Variants in NBAS observed in about 807,000 individuals in gnomAD.
The protein encoded by NBAS is NAG/BC035112 fusion.
NBAS carries 219 observed loss-of-function variants against 302.5 expected under a neutral mutation model. The ratio of observed to expected loss-of-function variants is 0.72; its 90% confidence interval spans 0.65 to 0.81. NBAS has a LOEUF of 0.81. NBAS is among the 30% of genes least tolerant of loss of function. The pLI is 0.00. For missense variants in NBAS, 2,932 were observed against 2,841.6 expected (o/e 1.03, Z -0.72); for synonymous variants, 1,118 against 1,021.6 (o/e 1.09, Z -1.80).
the NBAS span, among the ~76,000 whole-genome samples, chr2:15,008,646 G>A: frequency 6.6e-6 from 1 of 152,126 alleles, no homozygotes; most frequent in Non-Finnish European, 1.5e-5. Flanking sequence ...TGTGTACCAT[G>A]ATTTCACTTT....
At chr2:15,218,163 G>A (rs1269320423) in intron 48 of NBAS, among the ~76,000 whole-genome samples, 1 of 152,114 alleles carries the variant, frequency 6.6e-6, no homozygotes, top group Non-Finnish European at 1.5e-5. Context: ...CATTTTTCCT[G>A]GGCAAGAGTA....
chr2:14,847,496 A>C, the NBAS span, among the ~76,000 whole-genome samples: 1 of 150,546 alleles, frequency 6.6e-6, no homozygotes, highest in Non-Finnish European at 1.5e-5. Context: ...ACTTATGTCA[A>C]CAACATAGAT....
chr2:14,922,572 C>A, the NBAS span, among the ~76,000 whole-genome samples: 227 of 152,310 alleles, frequency 1.5e-3, no homozygotes, highest in African/African-American at 4.6e-3. Flanking sequence ...TGGCATCTCT[C>A]TCTTCTTATA....
chr2:15,535,812 G>C (rs938785780), intron 8 of NBAS, among the ~76,000 whole-genome samples: 3 of 152,164 alleles, frequency 2.0e-5, no homozygotes, highest in African/African-American at 4.8e-5. Context: ...CACAGATACA[G>C]AGGGATGACT....
chr2:15,330,821 A>G, intron 35 of NBAS, 56 bp from the exon 36 acceptor site: 1 of 1,570,416 alleles, frequency 6.4e-7, no homozygotes, highest in Non-Finnish European at 8.7e-7. Flanking sequence ...AAGAACAGAG[A>G]AGACAGTGAT....
At chr2:15,244,330 A>C (rs906496168) in intron 44 of NBAS, among the ~76,000 whole-genome samples, 2 of 152,122 alleles carry the variant, frequency 1.3e-5, no homozygotes, top group African/African-American at 2.4e-5. Flanking sequence ...AGCACTCCTC[A>C]TGTGGCCCAG....
At chr2:15,000,698 G>T in the NBAS span, among the ~76,000 whole-genome samples, 1 of 152,176 alleles carries the variant, frequency 6.6e-6, no homozygotes, top group Non-Finnish European at 1.5e-5. Flanking sequence ...GGTGAAGGAT[G>T]ATAAATAAAC....
intron 3 of NBAS, among the ~76,000 whole-genome samples, chr2:15,554,682 G>T (rs1422452021): frequency 6.7e-6 from 1 of 149,992 alleles, no homozygotes; most frequent in African/African-American, 2.5e-5. Flanking sequence ...TCCTGCAAAG[G>T]CCAGGATGCT....
At chr2:15,405,707 C>A (rs1456290632) in intron 25 of NBAS, among the ~76,000 whole-genome samples, 2 of 151,742 alleles carry the variant, frequency 1.3e-5, no homozygotes, top group Admixed American at 6.6e-5. Context: ...CTGGAATATC[C>A]CAAAGAATCA....
chr2:15,339,591 C>T (rs1027699580), intron 35 of NBAS, among the ~76,000 whole-genome samples: 9 of 152,060 alleles, frequency 5.9e-5, no homozygotes, highest in African/African-American at 2.2e-4. Flanking sequence ...GTCTCTGCTA[C>T]AAAGAACTTA....
At chr2:15,462,250 A>C (rs1029993049) in intron 19 of NBAS, among the ~76,000 whole-genome samples, 11 of 152,206 alleles carry the variant, frequency 7.2e-5, no homozygotes, top group Non-Finnish European at 1.6e-4. Flanking sequence ...TGTGATAGGC[A>C]CTGTGATACA....
At chr2:15,002,881 C>A in the NBAS span, among the ~76,000 whole-genome samples, 1 of 152,236 alleles carries the variant, frequency 6.6e-6, no homozygotes, top group Non-Finnish European at 1.5e-5. Context: ...GGCCCACAAG[C>A]GCCACGCGCA....
chr2:15,002,388 G>C, the NBAS span, among the ~76,000 whole-genome samples: 1 of 152,152 alleles, frequency 6.6e-6, no homozygotes, highest in Non-Finnish European at 1.5e-5. Flanking sequence ...TACAATCCCT[G>C]AGCTGGACAT....
intron 28 of NBAS, among the ~76,000 whole-genome samples, chr2:15,388,346 C>G (rs184079735): frequency 2.0e-5 from 3 of 151,606 alleles, no homozygotes; most frequent in Non-Finnish European, 4.4e-5. Flanking sequence ...TGTTGATACC[C>G]TTATAATGTT....
intron 35 of NBAS, among the ~76,000 whole-genome samples, chr2:15,332,993 C>A (rs973970537): frequency 6.6e-6 from 1 of 152,188 alleles, no homozygotes; most frequent in African/African-American, 2.4e-5. Flanking sequence ...ACAGGCTCTG[C>A]CCTCAAGGAG....
chr2:15,094,538 G>A, the NBAS span, among the ~76,000 whole-genome samples: 2 of 152,162 alleles, frequency 1.3e-5, no homozygotes, highest in African/African-American at 4.8e-5. Context: ...TTAAGCCTGG[G>A]GCTGAATCAA....
chr2:14,960,707 G>GA, the NBAS span, among the ~76,000 whole-genome samples: 2 of 151,964 alleles, frequency 1.3e-5, no homozygotes, highest in African/African-American at 4.8e-5. Context: ...CAGTTTTGAG[G>GA]AAAAAAATAA....
chr2:14,954,136 A>C, the NBAS span, among the ~76,000 whole-genome samples: 2 of 152,238 alleles, frequency 1.3e-5, no homozygotes, highest in African/African-American at 2.4e-5. Flanking sequence ...GGCAGAAATT[A>C]TCTCATAAAT....
rs752147262 is a variant in NBAS at position 15,474,193 on chromosome 2, C to G, written c.1473G>C (p.Gln491His). The part of the protein sequence containing the change: ...AKARYFGYIK[Q>H]GLYLVTEMER... ...CCATTTCAGTCACCAAGTAAAGGCC[C>G]TGTTTTATATAACCAAAGTAGCGAG... is the stretch of plus-strand genomic sequence containing the variant. The change falls in exon 15 of 52, where the codon CAG (glutamine) becomes CAC (histidine). Residue 491 changes from glutamine (Q) to histidine (H), a missense_variant. Gln to His is a conservative substitution (Grantham distance 24). Coordinates refer to ENST00000281513, the MANE Select transcript of NBAS (RefSeq NM_015909.4). 2 of 1,613,934 alleles carry G rather than the reference C, an allele frequency of 1.2e-6. No individual in the cohort carries two copies. The highest frequency in any genetic ancestry group is 3.3e-5 in the Admixed American group (2 of 59,978).
Sources: gnomAD v4.1 joint callset for allele counts (sites outside exome capture counted in the v4.1 genomes callset) on GRCh38, gnomAD v4.1.1 for gene constraint, MANE v1.5 for transcripts, NCBI Gene and HGNC (gene_info 2026-07-23, HGNC 2026-07-21) for gene names.